Variants in MYOM2 observed in about 807,000 individuals in gnomAD.
MYOM2 encodes myomesin-2.
In MYOM2, 254 loss-of-function variants were observed where a neutral mutation model predicts 187.6. The ratio of observed to expected loss-of-function variants is 1.35; its 90% CI spans 1.22 to 1.50. MYOM2 has a LOEUF of 1.50. Among genes scored for constraint, MYOM2 ranks in the 40% most tolerant of loss-of-function variants. The probability of loss-of-function intolerance (pLI) is 0.00; values close to 1 mark genes in which losing one functional copy is unlikely to be tolerated. For synonymous variants in MYOM2, 981 were observed against 753.8 expected (o/e 1.30, Z -4.94); for missense variants, 2,796 against 1,924.0 (o/e 1.45, Z -8.48).
intron 14 of MYOM2, 152 bp downstream of exon 14, chr8:2,085,542 G>GCCCCCTACTGTCGTGATCT (rs1554546494): frequency 3.1e-6 from 1 of 317,830 alleles, no homozygotes; most frequent in Admixed American, 7.3e-5. Flanking sequence ...TCTCTGCGTG[G>GCCCCCTACTGTCGTGATCT]CCCCACTGTC....
At chr8:2,069,598 T>TC in intron 8 of MYOM2, 101 bp downstream of exon 8, 1 of 1,424,690 alleles carries the variant, frequency 7.0e-7, no homozygotes, top group African/African-American at 1.4e-5. Context: ...TTTTTTTTTT[T>TC]TGAGACGGAG....
chr8:2,048,860 G>A (rs561025549), intron 1 of MYOM2, among the ~76,000 whole-genome samples: 1 of 151,490 alleles, frequency 6.6e-6, no homozygotes, highest in African/African-American at 2.4e-5. Context: ...CGCGATCTCG[G>A]CTCACTGCAA....
intron 13 of MYOM2, 131 bp from the exon 14 acceptor site, chr8:2,085,128 GGTTT>G (rs1585874581): frequency 1.7e-5 from 18 of 1,034,216 alleles, no homozygotes; most frequent in Non-Finnish European, 2.4e-5. Flanking sequence ...GCATCTTTGG[GGTTT>G]GTTTGACTTC....
At chr8:2,050,568 G>T (rs1257474962) in intron 1 of MYOM2, among the ~76,000 whole-genome samples, 187 bp from the exon 2 acceptor site, 1 of 152,202 alleles carries the variant, frequency 6.6e-6, no homozygotes, top group Non-Finnish European at 1.5e-5. Context: ...TTGGGTCCCT[G>T]GGAAGTTAAT....
At chr8:2,120,420 G>C (rs1345089286) in intron 28 of MYOM2, among the ~76,000 whole-genome samples, 1 of 151,412 alleles carries the variant, frequency 6.6e-6, no homozygotes, top group Non-Finnish European at 1.5e-5. Context: ...GTGTCAGGTG[G>C]GGACCTGCCG....
At chr8:2,138,880 T>C (rs76799141) in intron 32 of MYOM2, among the ~76,000 whole-genome samples, 5,167 of 147,662 alleles carry the variant, frequency 0.035, 506 homozygotes, top group African/African-American at 0.12. Context: ...TCGGCCTCTC[T>C]GGCTTAGTGT....
chr8:2,114,856 T>C (rs927624893), intron 25 of MYOM2, among the ~76,000 whole-genome samples: 25 of 152,280 alleles, frequency 1.6e-4, no homozygotes, highest in African/African-American at 6.0e-4. Context: ...GCCTTCCCTG[T>C]AGCTGGGACC....
chr8:2,079,634 C>A, intron 13 of MYOM2, 21 bp downstream of exon 13: 1 of 1,612,416 alleles, frequency 6.2e-7, no homozygotes, highest in Non-Finnish European at 8.5e-7. Flanking sequence ...CCTCATCACC[C>A]CAGCTGCTCA....
intron 6 of MYOM2, among the ~76,000 whole-genome samples, chr8:2,068,732 T>A (rs1375549426): frequency 6.6e-6 from 1 of 152,174 alleles, no homozygotes; most frequent in African/African-American, 2.4e-5. Context: ...AACGACTCCC[T>A]GTATGGGAAC....
intron 32 of MYOM2, among the ~76,000 whole-genome samples, chr8:2,137,674 G>A (rs1267930426): frequency 6.6e-6 from 1 of 152,128 alleles, no homozygotes; most frequent in East Asian, 1.9e-4. Flanking sequence ...AAGTTTTTCT[G>A]ACTCTCAACA....
chr8:2,067,320 A>G (rs561871316), intron 6 of MYOM2, among the ~76,000 whole-genome samples: 1 of 152,154 alleles, frequency 6.6e-6, no homozygotes, highest in East Asian at 1.9e-4. Flanking sequence ...AAAAGTGGGG[A>G]CTTTTTGTGT....
At chr8:2,079,505 G>C in intron 12 of MYOM2, 55 bp from the exon 13 acceptor site, 7 of 1,574,956 alleles carry the variant, frequency 4.4e-6, no homozygotes, top group Non-Finnish European at 6.1e-6. Flanking sequence ...AGGGAAAACG[G>C]GCTTTTGGGG....
intron 28 of MYOM2, among the ~76,000 whole-genome samples, chr8:2,120,674 A>ATATATATATATATATATATATAT (rs1231698093): frequency 3.1e-5 from 1 of 31,918 alleles, no homozygotes; most frequent in Non-Finnish European, 5.7e-5. Flanking sequence ...ATATATATAT[A>ATATATATATATATATATATATAT]TTATATTATA....
At chr8:2,055,141 C>T (rs1046335029) in intron 3 of MYOM2, among the ~76,000 whole-genome samples, 8 of 106,938 alleles carry the variant, frequency 7.5e-5, no homozygotes, top group Non-Finnish European at 1.5e-4. Context: ...TAACCAAGTA[C>T]CTGGATACTG....
At chr8:2,117,284 C>A (rs546075151) in intron 27 of MYOM2, among the ~76,000 whole-genome samples, 1 of 152,102 alleles carries the variant, frequency 6.6e-6, no homozygotes, top group Non-Finnish European at 1.5e-5. Flanking sequence ...CTTTCCAAAT[C>A]TGCTTTGTAT....
intron 28 of MYOM2, among the ~76,000 whole-genome samples, chr8:2,121,030 G>A (rs933916041): frequency 3.9e-5 from 6 of 152,040 alleles, no homozygotes; most frequent in Admixed American, 6.6e-5. Flanking sequence ...GTCTTTAGAA[G>A]TCTTGCTCAA....
At chr8:2,050,684 T>C (rs1818452827) in intron 1 of MYOM2, 71 bp from the exon 2 acceptor site, 4 of 878,450 alleles carry the variant, frequency 4.6e-6, no homozygotes, top group Non-Finnish European at 7.4e-6. Flanking sequence ...CCCTTTGGAA[T>C]GATGCAGAAA....
rs1819768610 is a variant in MYOM2 at position 2,085,189 on chromosome 8, C to T, written c.1517-74C>T. On this transcript the variant is annotated intron_variant, in intron 13 of 36. Transcript: ENST00000262113. ...TTCAACACCCACGTGGCAGAGTCCT[C>T]CAGTGCCCCGAGGTGGGCTGCAGCG... The T allele has an allele frequency of 8.3e-6, 13 of 1,560,074 alleles. No individual in the cohort carries two copies. In the South Asian group the frequency reaches 1.4e-4, roughly 17 times the overall value.
intron 32 of MYOM2, among the ~76,000 whole-genome samples, chr8:2,138,837 A>G (rs1246961053): frequency 6.6e-6 from 1 of 152,148 alleles, no homozygotes; most frequent in African/African-American, 2.4e-5. Flanking sequence ...GGGTGAAGCC[A>G]ATCCCACAAA....
Sources: allele counts gnomAD v4.1 joint callset (sites outside exome capture counted in the v4.1 genomes callset), GRCh38; gene constraint gnomAD v4.1.1; transcripts MANE v1.5; gene names NCBI Gene and HGNC (gene_info 2026-07-23, HGNC 2026-07-21).